SLCO6A1: variants seen among roughly 807,000 people sequenced by gnomAD.
SLCO6A1 encodes cancer/testis antigen 48.
In SLCO6A1, 65 loss-of-function variants were observed where a neutral mutation model predicts 72.7. The ratio of observed to expected loss-of-function variants is 0.89; its 90% CI spans 0.73 to 1.10. The LOEUF is 1.10. SLCO6A1 is among the 50% of genes least tolerant of loss of function. SLCO6A1 has a pLI of 0.00. For missense variants in SLCO6A1, 874 were observed against 872.6 expected (o/e 1.00, Z -0.02); for synonymous variants, 314 against 298.2 (o/e 1.05, Z -0.55).
In SLCO6A1 at chr5:102,399,716, T is replaced by C; in HGVS notation, c.1653A>G (p.Lys551=). The change falls in exon 10 of 14, where the codon AAA becomes AAG. Residue 551 remains lysine, a synonymous_variant. Transcript: ENST00000506729. ...KKMYYNCSCI[K]EGLITADAEG... is the part of the protein sequence containing the mutation. ...CTGCATCTGCAGTTATTAATCCTTC[T>C]TTAATGCAAGAACAATTGTAGTACA... is the stretch of plus-strand genomic sequence containing the variant. 6.3e-7 allele frequency: 1 copy of C among 1,579,408 alleles called. No homozygotes were observed. The highest frequency in any genetic ancestry group is 8.6e-7 in the Non-Finnish European group (1 of 1,159,168).
intron 6 of SLCO6A1, among the ~76,000 whole-genome samples, chr5:102,454,938 A>G (rs1015070962): frequency 6.7e-6 from 1 of 149,534 alleles, no homozygotes; most frequent in Admixed American, 6.7e-5. Flanking sequence ...AAACAAGTAA[A>G]CATATTTCTG....
intron 7 of SLCO6A1, among the ~76,000 whole-genome samples, chr5:102,421,292 C>T (rs560316231): frequency 4.6e-5 from 7 of 152,088 alleles, no homozygotes; most frequent in Admixed American, 4.6e-4. Context: ...CCCCTGGAAA[C>T]GGAGCCGAAG....
In SLCO6A1 at chr5:102,438,661, T is replaced by C; in HGVS notation, c.1232A>G (p.Glu411Gly). The change falls in exon 7 of 14, where the codon GAA becomes GGA. Residue 411 changes from glutamate to glycine, a missense_variant. Coordinates refer to ENST00000506729, the MANE Select transcript of SLCO6A1 (RefSeq NM_173488.5). ...AGTGGGTGTTAATATAAACTGATTT[T>C]CTAAATATATAGGCAAAAATTCAGA... Reference protein sequence around the residue: ...GASEFLPIYLENQFILTPTVA... With the variant: ...GASEFLPIYLGNQFILTPTVA... 1 of 1,597,338 alleles carries C rather than the reference T, an allele frequency of 6.3e-7. No individual in the cohort carries two copies. The highest frequency in any genetic ancestry group is 8.5e-7 in the Non-Finnish European group (1 of 1,174,274).
At position 102,460,899 on chromosome 5, in the gene SLCO6A1, CATATATATATAT is replaced by C. The variant is rs60973292; in HGVS notation, c.900-1134_900-1123del. On this transcript the variant is annotated intron_variant, in intron 4 of 13. Coordinates refer to ENST00000506729, the MANE Select transcript of SLCO6A1 (RefSeq NM_173488.5). ...CTTGATTGTCATTACCCACTTATCT[CATATATATATAT>C]ATATATATATATATATATATATATA... is the stretch of plus-strand genomic sequence containing the variant. 2.4e-3 allele frequency among the ~76,000 whole-genome samples: 308 copies of C among 129,890 alleles called. 1 individual carries two copies. The highest frequency in any genetic ancestry group is 8.8e-3 in the Middle Eastern group (2 of 226). The allele number at this position is 129,890 out of a possible 152,430, so 85.2% of individuals were successfully genotyped here.
intron 10 of SLCO6A1, among the ~76,000 whole-genome samples, chr5:102,393,152 C>A (rs1260628892): frequency 6.6e-6 from 1 of 152,018 alleles, no homozygotes; most frequent in African/African-American, 2.4e-5. Context: ...AATTTATCTC[C>A]CAATAACCAC....
At chr5:102,401,693 A>T (rs1236889267) in intron 9 of SLCO6A1, among the ~76,000 whole-genome samples, 2 of 152,108 alleles carry the variant, frequency 1.3e-5, no homozygotes, top group Non-Finnish European at 2.9e-5. Flanking sequence ...CCTAAGAGAA[A>T]CTATGACTTT....
At chr5:102,409,243 A>G (rs1561436729) in intron 9 of SLCO6A1, among the ~76,000 whole-genome samples, 1 of 152,170 alleles carries the variant, frequency 6.6e-6, no homozygotes, top group Non-Finnish European at 1.5e-5. Flanking sequence ...AAAAATCGTT[A>G]GAGGTATAGT....
At chr5:102,395,108 T>C (rs547584010) in intron 10 of SLCO6A1, among the ~76,000 whole-genome samples, 1 of 152,266 alleles carries the variant, frequency 6.6e-6, no homozygotes. Flanking sequence ...GTTACATATA[T>C]ATATATGTGT....
At chr5:102,409,328 C>T (rs904036362) in intron 9 of SLCO6A1, among the ~76,000 whole-genome samples, 3 of 152,056 alleles carry the variant, frequency 2.0e-5, no homozygotes, top group African/African-American at 7.2e-5. Context: ...TATGTTGGCC[C>T]TGATCATATT....
chr5:102,455,856 A>G (rs927481009), intron 6 of SLCO6A1, among the ~76,000 whole-genome samples: 1 of 152,224 alleles, frequency 6.6e-6, no homozygotes, highest in East Asian at 1.9e-4. Context: ...AAAATCCTCA[A>G]TAAAATACTG....
intron 7 of SLCO6A1, among the ~76,000 whole-genome samples, chr5:102,428,397 C>A (rs1749033998): frequency 6.6e-6 from 1 of 152,004 alleles, no homozygotes; most frequent in South Asian, 2.1e-4. Context: ...AATGTACACT[C>A]CAACTACTGA....
Position 102,419,881 on chromosome 5 carries a change from TAATA to T in SLCO6A1, c.1413_1416del (p.Phe471LeufsTer83). The T allele has an allele frequency of 1.2e-6, 2 of 1,607,748 alleles. No individual in the cohort carries two copies. The highest frequency in any genetic ancestry group is 2.2e-5 in the South Asian group (2 of 89,292). On this transcript the variant is annotated frameshift_variant, in exon 8 of 14. Coordinates refer to ENST00000506729, the MANE Select transcript of SLCO6A1 (RefSeq NM_173488.5). LOFTEE classifies it high-confidence loss of function. ...TGCACTGGATTACAGCGTACAAAAA[TAATA>T]AACACAAGCAGTATAAGTGATATCA...
intron 12 of SLCO6A1, among the ~76,000 whole-genome samples, chr5:102,381,952 A>G (rs1746133482): frequency 6.6e-6 from 1 of 151,556 alleles, no homozygotes; most frequent in Admixed American, 6.6e-5. Context: ...AGTTCCTTAT[A>G]TATTTTGAAT....
At chr5:102,493,365 A>C (rs1178733848) in intron 1 of SLCO6A1, among the ~76,000 whole-genome samples, 1 of 152,210 alleles carries the variant, frequency 6.6e-6, no homozygotes, top group Non-Finnish European at 1.5e-5. Context: ...TAAAAAACGC[A>C]ATATATCATA....
At chr5:102,408,391 G>A (rs965473476) in intron 9 of SLCO6A1, among the ~76,000 whole-genome samples, 4 of 152,124 alleles carry the variant, frequency 2.6e-5, no homozygotes, top group African/African-American at 9.7e-5. Flanking sequence ...AGGAAAGAGA[G>A]AGAGAGGTTA....
intron 4 of SLCO6A1, among the ~76,000 whole-genome samples, chr5:102,460,808 GAC>G: frequency 6.6e-6 from 1 of 151,398 alleles, no homozygotes; most frequent in Non-Finnish European, 1.5e-5. Flanking sequence ...TCACTGATGG[GAC>G]AGCTCTTTGT....
chr5:102,404,439 G>A (rs1399574938), intron 9 of SLCO6A1, among the ~76,000 whole-genome samples: 1 of 152,138 alleles, frequency 6.6e-6, no homozygotes, highest in Non-Finnish European at 1.5e-5. Context: ...AGCTTGCAGT[G>A]AGCCAAGATC....
intron 7 of SLCO6A1, among the ~76,000 whole-genome samples, chr5:102,428,271 G>T (rs145605398): frequency 2.0e-5 from 3 of 151,644 alleles, no homozygotes; most frequent in Non-Finnish European, 4.4e-5. Context: ...TCCACAAAAA[G>T]GCTTCTAGCA....
chr5:102,437,122 A>G (rs1455158086), intron 7 of SLCO6A1, among the ~76,000 whole-genome samples: 2 of 152,174 alleles, frequency 1.3e-5, no homozygotes, highest in Admixed American at 1.3e-4. Flanking sequence ...TGAGAGTAAT[A>G]CAATTAGAAA....
Sources: gnomAD v4.1 joint callset for allele counts (sites outside exome capture counted in the v4.1 genomes callset) on GRCh38, gnomAD v4.1.1 for gene constraint, MANE v1.5 for transcripts, NCBI Gene and HGNC (gene_info 2026-07-23, HGNC 2026-07-21) for gene names.